Variants in PTPRN2 observed in about 807,000 individuals in gnomAD.
PTPRN2 encodes receptor-type tyrosine-protein phosphatase N2.
Under a neutral mutation model 118.8 loss-of-function variants are expected in PTPRN2, and 74 were observed. The observed-to-expected ratio is 0.62, with a 90% CI of 0.52 to 0.76. PTPRN2 has a LOEUF of 0.76. Ranked by LOEUF, PTPRN2 falls within the 30% of genes least tolerant of loss-of-function variation. The pLI is 0.00. For synonymous variants in PTPRN2, 641 were observed against 608.0 expected, an observed-to-expected ratio of 1.05 and a Z score of -0.80; for missense variants, 1,481 against 1,394.4, an observed-to-expected ratio of 1.06 and a Z score of -0.99.
intron 3 of PTPRN2, among the ~76,000 whole-genome samples, chr7:158,302,144 T>C (rs567358015): frequency 2.0e-5 from 3 of 152,306 alleles, no homozygotes; most frequent in South Asian, 2.1e-4. Flanking sequence ...TGAGAAATGA[T>C]GACATTCAGG....
rs956600637 is a variant in PTPRN2, at chr7:157,952,535, G to A, written c.1724-53798C>T. 3.3e-5 allele frequency among the ~76,000 whole-genome samples: 5 copies of A among 152,224 alleles called. No homozygotes were observed. In the East Asian group the frequency reaches 9.7e-4, roughly 30 times the overall value. Reference sequence around the variant, plus strand: ...ACTCCGTGGTGGAACGTGGGTAGGTGATAGGCTGGCTCCCTGAGCAGCCCC... The same window carrying A: ...ACTCCGTGGTGGAACGTGGGTAGGTAATAGGCTGGCTCCCTGAGCAGCCCC... On this transcript the variant is annotated intron_variant, in intron 11 of 22. Coordinates refer to ENST00000389418, the MANE Select transcript of PTPRN2 (RefSeq NM_002847.5).
intron 12 of PTPRN2, among the ~76,000 whole-genome samples, chr7:157,718,484 C>T (rs1036202054): frequency 5.3e-5 from 8 of 152,204 alleles, no homozygotes; most frequent in South Asian, 2.1e-4. Context: ...CTGCAGTCCC[C>T]GGCCTGGCTC....
In PTPRN2 at chr7:157,667,848, G is replaced by A. The variant is rs545985127; in HGVS notation, c.2002-11297C>T. Among the ~76,000 whole-genome samples, 4 of 152,346 alleles carry A rather than the reference G, an allele frequency of 2.6e-5. No homozygotes were observed. In the East Asian group the frequency reaches 7.7e-4, roughly 29 times the overall value. On this transcript the variant is annotated intron_variant, in intron 13 of 22. Transcript: ENST00000389418. Reference sequence around the variant, plus strand: ...AATGTGAAAAATTGATCTTTTTGCAGCTCGGTGCTGCCTCCAACACATCCA... The same window carrying A: ...AATGTGAAAAATTGATCTTTTTGCAACTCGGTGCTGCCTCCAACACATCCA...
intron 1 of PTPRN2, among the ~76,000 whole-genome samples, chr7:158,501,526 A>C (rs1212727949): frequency 6.6e-6 from 1 of 152,180 alleles, no homozygotes; most frequent in African/African-American, 2.4e-5. Flanking sequence ...CCTTCTTGTG[A>C]ATCTTCCAAC....
rs780350732 is a variant in PTPRN2 at position 158,166,961 on chromosome 7, C to T, written c.880G>A (p.Asp294Asn). The T allele has an allele frequency of 6.9e-7, 1 of 1,449,086 alleles. No homozygotes were observed. The highest frequency in any genetic ancestry group is 9.1e-7 in the Non-Finnish European group (1 of 1,096,826). 89.8% of individuals were successfully genotyped at this position (1,449,086 alleles called of 1,614,324 possible). A position where few individuals can be genotyped will look rare whatever the true frequency, so the allele number is the denominator to read the frequency against. ...APQKWPSPLG[D>N]SEDPSSTGDG... ...CCTGTGCTGGAGGGGTCTTCGGAAT[C>T]TCCCAGAGGTGAAGGCCACTTCTGG... Residue 294 changes from aspartate to asparagine, a missense_variant, in exon 6 of 23, where the codon GAT becomes AAT. Transcript: ENST00000389418.
chr7:158,194,921 A>G (rs1250407288), intron 4 of PTPRN2, among the ~76,000 whole-genome samples: 1 of 152,214 alleles, frequency 6.6e-6, no homozygotes, highest in East Asian at 1.9e-4. Flanking sequence ...CGGTGTTGAC[A>G]TGAATTCTGT....
intron 12 of PTPRN2, among the ~76,000 whole-genome samples, chr7:157,685,230 TCC>T (rs1797122863): frequency 6.6e-6 from 1 of 151,334 alleles, no homozygotes; most frequent in Non-Finnish European, 1.5e-5. Context: ...CGCGCCTCCA[TCC>T]GCCCCAGCGC....
rs1037016726 is a variant in PTPRN2 at position 157,944,141 on chromosome 7, C to A, written c.1724-45404G>T. 6.6e-6 allele frequency among the ~76,000 whole-genome samples: 1 copy of A among 152,200 alleles called. No homozygotes were observed. Among genetic ancestry groups the A allele is most frequent in the Non-Finnish European group, 1.5e-5 (1 of 68,038 alleles). ...GAGCCCAGGACAGGCTCCAGATGCC[C>A]GGCCTTCATGCAGCAAACACCTTCA... On this transcript the variant is annotated intron_variant, in intron 11 of 22. Coordinates refer to ENST00000389418, the MANE Select transcript of PTPRN2 (RefSeq NM_002847.5). This position sits in a 1 kb window ranked among gnomAD's most constrained non-coding sequence, Gnocchi z 4.3.
At chr7:158,171,332 T>TACATAC in intron 5 of PTPRN2, among the ~76,000 whole-genome samples, 2 of 122,806 alleles carry the variant, frequency 1.6e-5, no homozygotes, top group African/African-American at 6.7e-5. Context: ...TATATATATA[T>TACATAC]ATATATATAT....
chr7:158,319,730 C>CAG (rs1491145709), intron 2 of PTPRN2, among the ~76,000 whole-genome samples: 138 of 6,118 alleles, frequency 0.023, 54 homozygotes, highest in Non-Finnish European at 0.043. Flanking sequence ...CTCACACACA[C>CAG]TCACAGTCTC....
intron 2 of PTPRN2, among the ~76,000 whole-genome samples, chr7:158,453,780 C>A (rs1357913107): frequency 2.0e-5 from 3 of 152,254 alleles, no homozygotes; most frequent in African/African-American, 7.2e-5. Flanking sequence ...TTGTTGTGCA[C>A]TGACCATGTG....
intron 12 of PTPRN2, among the ~76,000 whole-genome samples, chr7:157,883,776 A>G (rs1052266657): frequency 1.3e-5 from 2 of 150,236 alleles, no homozygotes; most frequent in South Asian, 2.1e-4. Flanking sequence ...ATCGGAACGC[A>G]CCACCCAAAA....
intron 2 of PTPRN2, among the ~76,000 whole-genome samples, chr7:158,356,920 T>C (rs6968118): frequency 0.022 from 3,335 of 152,256 alleles, 62 homozygotes; most frequent in Non-Finnish European, 0.038. Context: ...TCATCGAAAC[T>C]GTGGCTGGGA....
At chr7:157,924,304 C>A (rs1798848709) in intron 11 of PTPRN2, among the ~76,000 whole-genome samples, 1 of 152,224 alleles carries the variant, frequency 6.6e-6, no homozygotes. Flanking sequence ...TCCATTGGAA[C>A]ATCAGAAAGG....
At chr7:157,672,059 C>A (rs932906509) in intron 13 of PTPRN2, among the ~76,000 whole-genome samples, 1 of 152,052 alleles carries the variant, frequency 6.6e-6, no homozygotes, top group African/African-American at 2.4e-5. Flanking sequence ...GCAGCCGGCC[C>A]GAGGACACCG....
intron 2 of PTPRN2, among the ~76,000 whole-genome samples, chr7:158,441,612 AG>A (rs1563298311): frequency 1.5e-5 from 2 of 132,424 alleles, no homozygotes; most frequent in African/African-American, 2.9e-5. Context: ...TGGTGATGGC[AG>A]TGGTGGTGGT....
At chr7:157,726,024 A>T (rs1265757815) in intron 12 of PTPRN2, among the ~76,000 whole-genome samples, 4 of 146,036 alleles carry the variant, frequency 2.7e-5, no homozygotes, top group African/African-American at 1.0e-4. Context: ...CCACACGCAG[A>T]GGAGTGTGGC....
At chr7:158,121,243 G>A (rs1563462758) in intron 9 of PTPRN2, among the ~76,000 whole-genome samples, 1 of 152,126 alleles carries the variant, frequency 6.6e-6, no homozygotes, top group African/African-American at 2.4e-5. Context: ...GAAGAGGGCA[G>A]GTGCAGAAGG....
chr7:157,702,720 T>C (rs985280204), intron 12 of PTPRN2, among the ~76,000 whole-genome samples: 7 of 152,218 alleles, frequency 4.6e-5, no homozygotes, highest in Non-Finnish European at 1.0e-4. Context: ...GTTTTAAAAA[T>C]GGATTTTTGC....
Sources: gnomAD v4.1 joint callset for allele counts (sites outside exome capture counted in the v4.1 genomes callset) on GRCh38, gnomAD v4.1.1 for gene constraint, Gnocchi (gnomAD v3.1) non-coding constraint, MANE v1.5 for transcripts, NCBI Gene and HGNC (gene_info 2026-07-23, HGNC 2026-07-21) for gene names.